DUSP29: variants seen among roughly 807,000 people sequenced by gnomAD.
DUSP29 encodes dual specificity phosphatase 29.
DUSP29 carries 12 observed loss-of-function variants against 13.5 expected under a neutral mutation model. The observed-to-expected ratio is 0.89, with a 90% CI of 0.57 to 1.44. The LOEUF is 1.44. DUSP29 is among the 40% of genes most tolerant of loss of function. DUSP29 has a pLI of 0.00. For missense variants in DUSP29, 308 were observed against 301.1 expected (o/e 1.02, Z -0.17); for synonymous variants, 134 against 128.7 (o/e 1.04, Z -0.28).
chr10:75,069,857 C>A (rs1564647332), intron 1 of DUSP29, among the ~76,000 whole-genome samples: 1 of 148,600 alleles, frequency 6.7e-6, no homozygotes, highest in African/African-American at 2.5e-5. Context: ...GTCTGGCCAA[C>A]ATGGTGAAAC....
At chr10:75,065,225 T>C (rs1428188588) in intron 1 of DUSP29, among the ~76,000 whole-genome samples, 2 of 152,198 alleles carry the variant, frequency 1.3e-5, no homozygotes, top group Non-Finnish European at 2.9e-5. Flanking sequence ...AGGTGGCAGA[T>C]GGGAGAAGCG....
chr10:75,049,952 G>C (rs543221036), intron 2 of DUSP29, among the ~76,000 whole-genome samples: 1 of 152,220 alleles, frequency 6.6e-6, no homozygotes, highest in South Asian at 2.1e-4. Flanking sequence ...CCCAAATGCC[G>C]GACCTTGGAG....
At chr10:75,042,597 T>C (rs1243274388) in intron 3 of DUSP29, among the ~76,000 whole-genome samples, 1 of 152,252 alleles carries the variant, frequency 6.6e-6, no homozygotes, top group Non-Finnish European at 1.5e-5. Context: ...GGGTTTTTTT[T>C]CATTGTGACA....
In DUSP29 at chr10:75,059,167, G is replaced by A. The variant is rs531076457; in HGVS notation, c.-34-619C>T. Among the ~76,000 whole-genome samples the A allele has an allele frequency of 1.1e-4, 17 of 152,284 alleles. No individual in the cohort carries two copies. The South Asian group carries it at 2.1e-3, about 19-fold the overall frequency. On this transcript the variant is annotated intron_variant, in intron 1 of 3. Coordinates refer to ENST00000338487, the MANE Select transcript of DUSP29 (RefSeq NM_001003892.3). ...CAATGCTCACACTCTCACACTGGGA[G>A]CCTGGCCATCACTGTGTTAACTTAC...
intron 2 of DUSP29, among the ~76,000 whole-genome samples, chr10:75,048,521 T>G (rs1846752409): frequency 6.6e-6 from 1 of 151,966 alleles, no homozygotes; most frequent in Non-Finnish European, 1.5e-5. Flanking sequence ...TGCCTCAGCC[T>G]CCCGAGTAGC....
intron 2 of DUSP29, among the ~76,000 whole-genome samples, chr10:75,056,962 A>C (rs1846973623): frequency 6.6e-6 from 1 of 152,202 alleles, no homozygotes; most frequent in Admixed American, 6.5e-5. Context: ...TCCAGGTATT[A>C]AGCAGCAAGA....
intron 3 of DUSP29, among the ~76,000 whole-genome samples, chr10:75,043,479 G>A (rs1463593470): frequency 2.0e-5 from 3 of 152,188 alleles, no homozygotes; most frequent in Non-Finnish European, 4.4e-5. Flanking sequence ...ATTCCCCAGA[G>A]CTGCAATCAA....
chr10:75,071,562 A>G (rs1034399609), intron 1 of DUSP29, among the ~76,000 whole-genome samples: 1 of 152,204 alleles, frequency 6.6e-6, no homozygotes, highest in African/African-American at 2.4e-5. Flanking sequence ...AAATGTCCCC[A>G]GTAAGGGCTC....
At chr10:75,052,943 A>G (rs910797014) in intron 2 of DUSP29, among the ~76,000 whole-genome samples, 1 of 152,200 alleles carries the variant, frequency 6.6e-6, no homozygotes, top group Admixed American at 6.5e-5. Context: ...GTGGGCAAAA[A>G]TGGCATGTGT....
intron 1 of DUSP29, among the ~76,000 whole-genome samples, chr10:75,062,946 G>C (rs1394768821): frequency 1.3e-5 from 2 of 152,196 alleles, no homozygotes; most frequent in Non-Finnish European, 2.9e-5. Flanking sequence ...TGCTGTCTCC[G>C]AGACGACTTG....
At chr10:75,052,456 G>A (rs912352387) in intron 2 of DUSP29, among the ~76,000 whole-genome samples, 7 of 151,974 alleles carry the variant, frequency 4.6e-5, no homozygotes, top group African/African-American at 1.5e-4. Flanking sequence ...ACAGGAGCCC[G>A]CCACCATGCC....
chr10:75,055,599 G>C (rs1233234750), intron 2 of DUSP29, among the ~76,000 whole-genome samples: 1 of 152,180 alleles, frequency 6.6e-6, no homozygotes, highest in African/African-American at 2.4e-5. Flanking sequence ...TAGGGAATGG[G>C]GAGTGACTGT....
Position 75,037,848 on chromosome 10 carries a change from G to A in DUSP29, c.651C>T (p.Gly217=), listed in dbSNP as rs1425755472. The A allele has an allele frequency of 1.9e-6, 3 of 1,605,548 alleles. No homozygotes were observed. The highest frequency in any genetic ancestry group is 1.7e-6 in the Non-Finnish European group (2 of 1,176,224). The part of the protein sequence containing the change: ...SQRQDGEEED[G]REL ...CTGTGAGTCGGGCCTACAGCTCCCT[G>A]CCATCCTCCTCCTCACCGTCCTGGC... Residue 217 remains glycine, a synonymous_variant, in exon 4 of 4, where the codon GGC becomes GGT. Coordinates refer to ENST00000338487, the MANE Select transcript of DUSP29 (RefSeq NM_001003892.3).
chr10:75,067,441 C>T (rs963765576), intron 1 of DUSP29, among the ~76,000 whole-genome samples: 3 of 152,182 alleles, frequency 2.0e-5, no homozygotes, highest in African/African-American at 7.2e-5. Context: ...GTGTCAGAGC[C>T]AGCATCATTG....
intron 1 of DUSP29, among the ~76,000 whole-genome samples, chr10:75,070,751 C>T (rs913272005): frequency 7.2e-5 from 11 of 152,128 alleles, no homozygotes; most frequent in African/African-American, 2.4e-4. Flanking sequence ...CAGGACCCAT[C>T]GCCTCCTGCG....
chr10:75,059,478 T>C (rs1035668779), intron 1 of DUSP29, among the ~76,000 whole-genome samples: 4 of 152,182 alleles, frequency 2.6e-5, no homozygotes, highest in South Asian at 2.1e-4. Flanking sequence ...GACAAATACT[T>C]ATATAACACC....
intron 1 of DUSP29, among the ~76,000 whole-genome samples, chr10:75,070,475 A>T (rs1250383119): frequency 6.6e-6 from 1 of 152,204 alleles, no homozygotes; most frequent in Non-Finnish European, 1.5e-5. Context: ...AAATGGGGAT[A>T]ACTTGCACCT....
chr10:75,049,967 C>G (rs529126597), intron 2 of DUSP29, among the ~76,000 whole-genome samples: 2 of 152,356 alleles, frequency 1.3e-5, no homozygotes, highest in South Asian at 4.1e-4. Flanking sequence ...TTGGAGGCAA[C>G]TGTAGTTTAC....
At chr10:75,051,938 G>T (rs1225371665) in intron 2 of DUSP29, among the ~76,000 whole-genome samples, 1 of 152,224 alleles carries the variant, frequency 6.6e-6, no homozygotes, top group Non-Finnish European at 1.5e-5. Context: ...GAGTGTCACA[G>T]AAATCAGGGA....
Sources: allele counts gnomAD v4.1 joint callset (sites outside exome capture counted in the v4.1 genomes callset), GRCh38; gene constraint gnomAD v4.1.1; transcripts MANE v1.5; gene names NCBI Gene and HGNC (gene_info 2026-07-23, HGNC 2026-07-21).